PCDHA5: variants seen among roughly 807,000 people sequenced by gnomAD.
PCDHA5 encodes protocadherin alpha 5, also known as protocadherin alpha-5.
PCDHA5 carries 43 observed loss-of-function variants against 61.6 expected under a neutral mutation model. That is an observed-to-expected ratio of 0.70 (90% CI 0.55 to 0.90). PCDHA5 has a LOEUF of 0.90. Among genes scored for constraint, PCDHA5 ranks in the 40% least tolerant of loss-of-function variants. PCDHA5 has a pLI of 0.00. For missense variants in PCDHA5, 1,298 were observed against 1,222.7 expected (o/e 1.06, Z -0.92); for synonymous variants, 627 against 543.9 (o/e 1.15, Z -2.13).
intron 1 of PCDHA5, among the ~76,000 whole-genome samples, chr5:140,846,287 T>G (rs1554141208): frequency 6.7e-6 from 1 of 149,424 alleles, no homozygotes; most frequent in East Asian, 1.9e-4. Flanking sequence ...ATGTTGTAGT[T>G]CTATGAATTA....
intron 1 of PCDHA5, among the ~76,000 whole-genome samples, chr5:140,916,824 T>C (rs1207821220): frequency 6.6e-6 from 1 of 152,124 alleles, no homozygotes; most frequent in Non-Finnish European, 1.5e-5. Context: ...GCCACCCCTA[T>C]CCCTCTGGTT....
chr5:140,828,802 T>C (rs2150159196), intron 1 of PCDHA5: 42 of 1,614,232 alleles, frequency 2.6e-5, no homozygotes, highest in Non-Finnish European at 3.5e-5. Context: ...ATGTGAATGA[T>C]AATGCTCCCA....
intron 1 of PCDHA5, chr5:140,876,998 C>T: frequency 6.2e-7 from 1 of 1,612,502 alleles, no homozygotes; most frequent in South Asian, 1.1e-5. Flanking sequence ...AGCTACGTGT[C>T]GGTGCACGCG....
At chr5:140,897,458 G>T (rs191522392) in intron 1 of PCDHA5, among the ~76,000 whole-genome samples, 1 of 151,310 alleles carries the variant, frequency 6.6e-6, no homozygotes, top group African/African-American at 2.4e-5. Flanking sequence ...TTGTCCTTGC[G>T]ATAGTTTACT....
chr5:140,905,771 G>A lies in PCDHA5; in HGVS notation c.2353-73178G>A, dbSNP rs112500166. ...TCACCTCCTTGGTTAAGTATATTCC[G>A]AAGTGTATTAGTCAGGGTTCTCTAG... is the stretch of plus-strand genomic sequence containing the variant. On this transcript the variant is annotated intron_variant, in intron 1 of 3. Coordinates refer to ENST00000529859, the MANE Select transcript of PCDHA5 (RefSeq NM_018908.3). Among the ~76,000 whole-genome samples the A allele has an allele frequency of 4.4e-3, 670 of 152,104 alleles. 7 individuals are homozygous for A. Among genetic ancestry groups the A allele is most frequent in the African/African-American group, 0.015 (623 of 41,484 alleles).
At chr5:140,830,184 T>G in intron 1 of PCDHA5, 4 of 1,613,576 alleles carry the variant, frequency 2.5e-6, no homozygotes, top group South Asian at 2.2e-5. Context: ...GATGTCAACG[T>G]GTACCTGATC....
At chr5:140,892,702 A>G (rs1391662001) in intron 1 of PCDHA5, among the ~76,000 whole-genome samples, 1 of 152,240 alleles carries the variant, frequency 6.6e-6, no homozygotes, top group Admixed American at 6.5e-5. Flanking sequence ...AAATCAGGGT[A>G]ATTAGCATAT....
At chr5:140,857,178 A>T (rs782349051) in intron 1 of PCDHA5, 2 of 1,598,472 alleles carry the variant, frequency 1.3e-6, no homozygotes, top group African/African-American at 2.7e-5. Flanking sequence ...TCTGACCATG[A>T]TTCAGGAGCC....
chr5:141,008,375 C>T (rs77600037), intron 3 of PCDHA5, among the ~76,000 whole-genome samples: 2,306 of 152,234 alleles, frequency 0.015, 24 homozygotes, highest in Middle Eastern at 0.031. Flanking sequence ...GTGTTAGATA[C>T]ATAAACATTG....
At chr5:140,857,925 A>G (rs1291686886) in intron 1 of PCDHA5, 2 of 1,597,800 alleles carry the variant, frequency 1.3e-6, no homozygotes. Context: ...GTGGGGCTGT[A>G]CACGGGCGAG....
chr5:140,985,977 G>A (rs1341198195), intron 3 of PCDHA5, among the ~76,000 whole-genome samples: 3 of 151,932 alleles, frequency 2.0e-5, no homozygotes, highest in African/African-American at 7.3e-5. Flanking sequence ...CTGACCTCGT[G>A]ATCCGCCCAC....
chr5:140,841,126 C>T, intron 1 of PCDHA5: 1 of 659,096 alleles, frequency 1.5e-6, no homozygotes, highest in South Asian at 2.2e-5. Flanking sequence ...TAATCATTAC[C>T]TTTTGAAGCC....
chr5:140,890,822 A>T (rs1044008204), intron 1 of PCDHA5, among the ~76,000 whole-genome samples: 8 of 152,186 alleles, frequency 5.3e-5, no homozygotes, highest in Non-Finnish European at 1.0e-4. Flanking sequence ...TTTTAAATGT[A>T]CTTACATATT....
Position 140,884,123 on chromosome 5 carries a change from C to T in PCDHA5, c.2352+59996C>T, listed in dbSNP as rs1360744073. 2.5e-6 allele frequency: 4 copies of T among 1,613,230 alleles called. No homozygotes were observed. The African/African-American group carries it at 4.0e-5, about 16-fold the overall frequency. ...ATTGCAGCTGGCGGCGGTCGGCGCGCGCATCCCGTTCCGCGTGGGGCTGTA... is the reference window on the plus strand; with the variant it reads ...ATTGCAGCTGGCGGCGGTCGGCGCGTGCATCCCGTTCCGCGTGGGGCTGTA... On this transcript the variant is annotated intron_variant, in intron 1 of 3. Coordinates refer to ENST00000529859, the MANE Select transcript of PCDHA5 (RefSeq NM_018908.3).
rs2150428040 is a variant in PCDHA5, at chr5:140,848,992, C to T, written c.2352+24865C>T. On this transcript the variant is annotated intron_variant, in intron 1 of 3. Coordinates refer to ENST00000529859, the MANE Select transcript of PCDHA5 (RefSeq NM_018908.3). ...TCCGATGCAGATATCGGGGAGAACG[C>T]CCTGCTCACTTACAGACTGAGCCCC... is the stretch of plus-strand genomic sequence containing the variant. The T allele has an allele frequency of 2.5e-6, 4 of 1,597,000 alleles. No individual in the cohort carries two copies. In the African/African-American group the frequency reaches 4.1e-5, roughly 16 times the overall value.
chr5:140,944,410 C>G (rs1339076109), intron 1 of PCDHA5, among the ~76,000 whole-genome samples: 1 of 152,272 alleles, frequency 6.6e-6, no homozygotes, highest in Middle Eastern at 3.4e-3. Flanking sequence ...TGGTCTCGAA[C>G]TCCTGATCTG....
At chr5:140,872,049 T>A (rs2053460307) in intron 1 of PCDHA5, among the ~76,000 whole-genome samples, 1 of 152,248 alleles carries the variant, frequency 6.6e-6, no homozygotes, top group African/African-American at 2.4e-5. Context: ...ATTCTCCCAC[T>A]TCAGCCTCCA....
chr5:140,829,594 G>A (rs141465004), intron 1 of PCDHA5: 1 of 1,611,864 alleles, frequency 6.2e-7, no homozygotes, highest in African/African-American at 1.3e-5. Flanking sequence ...GGGTGGGCGA[G>A]CGCGCGTTGT....
At chr5:140,835,995 C>G in intron 1 of PCDHA5, 7 of 1,613,324 alleles carry the variant, frequency 4.3e-6, no homozygotes, top group Non-Finnish European at 5.1e-6. Context: ...GGTGAGCGCG[C>G]GCGATGCGGG....
Sources: allele counts gnomAD v4.1 joint callset (sites outside exome capture counted in the v4.1 genomes callset), GRCh38; gene constraint gnomAD v4.1.1; transcripts MANE v1.5; gene names NCBI Gene and HGNC (gene_info 2026-07-23, HGNC 2026-07-21).